Variants in FOXK1 observed in about 807,000 individuals in gnomAD.
The protein encoded by FOXK1 is forkhead box protein K1.
Under a neutral mutation model 51.9 loss-of-function variants are expected in FOXK1, and 19 were observed. That is an observed-to-expected ratio of 0.37 (90% CI 0.26 to 0.54). FOXK1 has a LOEUF of 0.54. FOXK1 is among the 20% of genes least tolerant of loss of function. The pLI is 0.87. For synonymous variants in FOXK1, 537 were observed against 482.6 expected (o/e 1.11, Z -1.48); for missense variants, 870 against 1,032.7 (o/e 0.84, Z 2.16).
chr7:4,766,848 GC>G lies in FOXK1; in HGVS notation c.*4388del, dbSNP rs1255988018. Reference sequence around the variant, plus strand: ...CCGGGGAGCTGGGACTCTCCAGAAAGCCCCGGGTGAGGGCTCCGTCTTGAGA... The same window carrying G: ...CCGGGGAGCTGGGACTCTCCAGAAAGCCCGGGTGAGGGCTCCGTCTTGAGA... On this transcript the variant is annotated 3_prime_UTR_variant, in exon 9 of 9. Coordinates refer to ENST00000328914, the MANE Select transcript of FOXK1 (RefSeq NM_001037165.2). This position sits in a 1 kb window ranked among gnomAD's most constrained non-coding sequence, Gnocchi z 5.5. 1.3e-5 allele frequency: 2 copies of G among 152,218 alleles called. No individual in the cohort carries two copies. Among genetic ancestry groups the G allele is most frequent in the African/African-American group, 4.8e-5 (2 of 41,434 alleles). 9.4% of individuals were successfully genotyped at this position (152,218 alleles called of 1,614,324 possible). A position where few individuals can be genotyped will look rare whatever the true frequency, so the allele number is the denominator to read the frequency against.
rs746239626 is a variant in FOXK1, at chr7:4,762,402, G to A, written c.2140G>A (p.Val714Ile). The change falls in exon 9 of 9, where the codon GTA becomes ATA. Residue 714 changes from valine (V) to isoleucine (I), a missense_variant. Around this residue, in one of 3 missense-constraint regions of FOXK1, gnomAD observed 457 missense variants for 510.8 expected, o/e 0.89. Transcript: ENST00000328914. This position sits in a 1 kb window ranked among gnomAD's most constrained non-coding sequence, Gnocchi z 5.7. ...RSRVEEPSGA[V>I]TTPAGVIAAA... ...CCGGGTGGAGGAGCCCAGTGGTGCT[G>A]TAACCACACCGGCTGGAGTGATCGC... is the stretch of plus-strand genomic sequence containing the variant. The A allele has an allele frequency of 1.7e-5, 26 of 1,550,102 alleles. No homozygotes were observed. The highest frequency in any genetic ancestry group is 1.9e-5 in the Non-Finnish European group (22 of 1,147,648).
In FOXK1 at chr7:4,682,909, C is replaced by T. The variant is rs776053160; in HGVS notation, c.560+41C>T. 1.4e-6 allele frequency: 2 copies of T among 1,415,292 alleles called. No homozygotes were observed. Among genetic ancestry groups the T allele is most frequent in the Non-Finnish European group, 9.3e-7 (1 of 1,080,626 alleles). The allele number at this position is 1,415,292 out of a possible 1,614,324, so 87.7% of individuals were successfully genotyped here. A position where few individuals can be genotyped will look rare whatever the true frequency, so the allele number is the denominator to read the frequency against. ...ACCCCCGCCGCCCGCACCCGGGGCTCGCCCACGACCTCGATCTCTGAGGCC... is the reference window on the plus strand; with the variant it reads ...ACCCCCGCCGCCCGCACCCGGGGCTTGCCCACGACCTCGATCTCTGAGGCC... On this transcript the variant is annotated intron_variant, in intron 1 of 8. Transcript: ENST00000328914. This position sits in a 1 kb window ranked among gnomAD's most constrained non-coding sequence, Gnocchi z 7.6.
chr7:4,740,712 C>A, intron 1 of FOXK1, 126 bp from the exon 2 acceptor site: 1 of 940,568 alleles, frequency 1.1e-6, no homozygotes, highest in Non-Finnish European at 1.6e-6. Context: ...CGAAACTGCT[C>A]TCTGGGGCCC....
chr7:4,710,805 G>C (rs1780164774), intron 1 of FOXK1, among the ~76,000 whole-genome samples: 1 of 152,118 alleles, frequency 6.6e-6, no homozygotes, highest in African/African-American at 2.4e-5. Flanking sequence ...TAGAAGCTGA[G>C]CTCAGCTGGA....
intron 7 of FOXK1, 94 bp downstream of exon 7, chr7:4,759,689 G>A: frequency 5.8e-6 from 8 of 1,373,594 alleles, no homozygotes; most frequent in Admixed American, 2.4e-5. Flanking sequence ...TGGGCCTGGG[G>A]CTTGAGGAGG....
intron 3 of FOXK1, 66 bp downstream of exon 3, chr7:4,754,681 G>T: frequency 6.5e-7 from 1 of 1,532,436 alleles, no homozygotes. Flanking sequence ...GACCCGGCGC[G>T]GGCGGCACAG....
Position 4,743,238 on chromosome 7 carries a change from G to C in FOXK1, c.746+2215G>C, listed in dbSNP as rs529094914. ...AGTGGTGATGGTTATTCAATTTTGT[G>C]AATATCCTAAAAGTCACTTTAAAGA... On this transcript the variant is annotated intron_variant, in intron 2 of 8. Coordinates refer to ENST00000328914, the MANE Select transcript of FOXK1 (RefSeq NM_001037165.2). This position sits in a 1 kb window ranked among gnomAD's most constrained non-coding sequence, Gnocchi z 5.3. Among the ~76,000 whole-genome samples the C allele has an allele frequency of 9.2e-4, 140 of 152,274 alleles. No homozygotes were observed. The highest frequency in any genetic ancestry group is 1.7e-3 in the Admixed American group (26 of 15,276).
chr7:4,724,411 G>A lies in FOXK1; in HGVS notation c.561-16427G>A, dbSNP rs1780353136. The stretch of plus-strand genomic sequence containing the variant: ...GGATTTCACCATGTTGGCCAGGGTG[G>A]TCTCGAACTCCTGTTCTCAAGTGAT... On this transcript the variant is annotated intron_variant, in intron 1 of 8. Coordinates refer to ENST00000328914, the MANE Select transcript of FOXK1 (RefSeq NM_001037165.2). 2.6e-5 allele frequency among the ~76,000 whole-genome samples: 4 copies of A among 152,138 alleles called. No homozygotes were observed. The South Asian group carries it at 8.3e-4, about 32-fold the overall frequency.
Position 4,722,523 on chromosome 7 carries a change from G to T in FOXK1, c.561-18315G>T, listed in dbSNP as rs777759089. ...AGTGGCCTCAGCCCAGTGCCAGCGTGCTGGGACGGGTACACTCGTGCCTGT... is the reference window on the plus strand; with the variant it reads ...AGTGGCCTCAGCCCAGTGCCAGCGTTCTGGGACGGGTACACTCGTGCCTGT... On this transcript the variant is annotated intron_variant, in intron 1 of 8. Transcript: ENST00000328914. This position sits in a 1 kb window ranked among gnomAD's most constrained non-coding sequence, Gnocchi z 5.1. Among the ~76,000 whole-genome samples, 4 of 152,242 alleles carry T rather than the reference G, an allele frequency of 2.6e-5. No individual in the cohort carries two copies. The highest frequency in any genetic ancestry group is 5.9e-5 in the Non-Finnish European group (4 of 68,042).
chr7:4,770,893 G>A lies in FOXK1; in HGVS notation c.*8429G>A, dbSNP rs1246220214. On this transcript the variant is annotated 3_prime_UTR_variant, in exon 9 of 9. Coordinates refer to ENST00000328914, the MANE Select transcript of FOXK1 (RefSeq NM_001037165.2). ...TGTGTGTGTGTGTGTGTGTGTGTGT[G>A]TGTGTGTGTATTTTTTTTTTTACAG... 6.6e-6 allele frequency: 1 copy of A among 150,570 alleles called. No individual in the cohort carries two copies. Among genetic ancestry groups the A allele is most frequent in the African/African-American group, 2.5e-5 (1 of 40,296 alleles). 9.3% of individuals were successfully genotyped at this position (150,570 alleles called of 1,614,324 possible).
Position 4,748,605 on chromosome 7 carries a change from G to A in FOXK1, c.747-5854G>A, listed in dbSNP as rs906132592. Among the ~76,000 whole-genome samples, 8 of 152,186 alleles carry A rather than the reference G, an allele frequency of 5.3e-5. No homozygotes were observed. The highest frequency in any genetic ancestry group is 1.9e-4 in the African/African-American group (8 of 41,440). On this transcript the variant is annotated intron_variant, in intron 2 of 8. Coordinates refer to ENST00000328914, the MANE Select transcript of FOXK1 (RefSeq NM_001037165.2). This position sits in a 1 kb window ranked among gnomAD's most constrained non-coding sequence, Gnocchi z 4.9. ...CCCTCAGGAGGTGGTGGTGGAGAGA[G>A]GGCTGTTTCCTGATTCCCACGTCTT...
In FOXK1 at chr7:4,757,122, A is replaced by C; in HGVS notation, c.1179A>C (p.Ala393=). ...CTGAAGCCAAGCTCGTGGAACAGGC[A>C]TTCCGGAAACGGAGGCAGAGGGGTG... The part of the protein sequence containing the change: ...PASEAKLVEQ[A]FRKRRQRGVS... Residue 393 remains alanine (A), a synonymous_variant, in exon 5 of 9, where the codon GCA becomes GCC. Transcript: ENST00000328914. 1 of 1,613,564 alleles carries C rather than the reference A, an allele frequency of 6.2e-7. No homozygotes were observed.
In FOXK1 at chr7:4,743,706, C is replaced by T. The variant is rs980662909; in HGVS notation, c.746+2683C>T. On this transcript the variant is annotated intron_variant, in intron 2 of 8. Transcript: ENST00000328914. This position sits in a 1 kb window ranked among gnomAD's most constrained non-coding sequence, Gnocchi z 5.3. ...CAGCTCACGTGCTAGTGGAAGCTCA[C>T]ACCAGAAGAGGCTGGTCCTGCTGCT... Among the ~76,000 whole-genome samples, 1 of 152,236 alleles carries T rather than the reference C, an allele frequency of 6.6e-6. No homozygotes were observed. Among genetic ancestry groups the T allele is most frequent in the African/African-American group, 2.4e-5 (1 of 41,464 alleles).
At position 4,749,101 on chromosome 7, in the gene FOXK1, TC is replaced by T. The variant is rs1780743108; in HGVS notation, c.747-5356del. On this transcript the variant is annotated intron_variant, in intron 2 of 8. Coordinates refer to ENST00000328914, the MANE Select transcript of FOXK1 (RefSeq NM_001037165.2). The surrounding 1 kb of genome is among the most constrained non-coding windows in gnomAD (Gnocchi z 6.0). ...TGAGGGATTTTCTCCAGTCTCTCCTTCCACCCTTTCTTGGATTTGTATTTCT... is the reference window on the plus strand; with the variant it reads ...TGAGGGATTTTCTCCAGTCTCTCCTTCACCCTTTCTTGGATTTGTATTTCT... 6.6e-6 allele frequency among the ~76,000 whole-genome samples: 1 copy of T among 152,234 alleles called. No homozygotes were observed. The highest frequency in any genetic ancestry group is 6.5e-5 in the Admixed American group (1 of 15,282).
rs1360168746 is a variant in FOXK1 at position 4,707,730 on chromosome 7, G to C, written c.560+24862G>C. Among the ~76,000 whole-genome samples, 1 of 151,778 alleles carries C rather than the reference G, an allele frequency of 6.6e-6. No homozygotes were observed. Among genetic ancestry groups the C allele is most frequent in the African/African-American group, 2.4e-5 (1 of 41,252 alleles). On this transcript the variant is annotated intron_variant, in intron 1 of 8. Coordinates refer to ENST00000328914, the MANE Select transcript of FOXK1 (RefSeq NM_001037165.2). This position sits in a 1 kb window ranked among gnomAD's most constrained non-coding sequence, Gnocchi z 4.1. Reference sequence around the variant, plus strand: ...GACGGACTCTCTCTCCGTTGCCCAGGCTGGAGTGCAGTGGCACGATCGTGG... The same window carrying C: ...GACGGACTCTCTCTCCGTTGCCCAGCCTGGAGTGCAGTGGCACGATCGTGG...
chr7:4,685,832 A>T (rs559814047), intron 1 of FOXK1, among the ~76,000 whole-genome samples: 1 of 152,064 alleles, frequency 6.6e-6, no homozygotes, highest in East Asian at 1.9e-4. Context: ...AGTCCCAGCT[A>T]CTTGGGAGGC....
intron 1 of FOXK1, among the ~76,000 whole-genome samples, chr7:4,696,778 C>G (rs1779957099): frequency 6.6e-6 from 1 of 152,200 alleles, no homozygotes; most frequent in South Asian, 2.1e-4. Context: ...CAGAAAATGC[C>G]TCCTTCGGGC....
At position 4,769,056 on chromosome 7, in the gene FOXK1, T is replaced by C. The variant is rs994190154; in HGVS notation, c.*6592T>C. ...TGGTGAGGCTTTGGAAATTTTTTGT[T>C]TCTTCTACTCATCCTAATGGCTGGT... is the stretch of plus-strand genomic sequence containing the variant. On this transcript the variant is annotated 3_prime_UTR_variant, in exon 9 of 9. Transcript: ENST00000328914. This position sits in a 1 kb window ranked among gnomAD's most constrained non-coding sequence, Gnocchi z 4.1. 1 of 152,164 alleles carries C rather than the reference T, an allele frequency of 6.6e-6. No individual in the cohort carries two copies. The highest frequency in any genetic ancestry group is 2.4e-5 in the African/African-American group (1 of 41,434). The allele number at this position is 152,164 out of a possible 1,614,324, so 9.4% of individuals were successfully genotyped here.
In FOXK1 at chr7:4,764,516, C is replaced by G. The variant is rs1228595078; in HGVS notation, c.*2052C>G. 6.5e-6 allele frequency: 1 copy of G among 153,590 alleles called. No homozygotes were observed. The highest frequency in any genetic ancestry group is 1.5e-5 in the Non-Finnish European group (1 of 68,548). The allele number at this position is 153,590 out of a possible 1,614,324, so 9.5% of individuals were successfully genotyped here. On this transcript the variant is annotated 3_prime_UTR_variant, in exon 9 of 9. Transcript: ENST00000328914. ...GTGTCGCCTGCTGTTGTCTGTGGGCCTTTTCTTTCCGTGGTGCCTGGTGTG... is the reference window on the plus strand; with the variant it reads ...GTGTCGCCTGCTGTTGTCTGTGGGCGTTTTCTTTCCGTGGTGCCTGGTGTG...
Sources: allele counts gnomAD v4.1 joint callset (sites outside exome capture counted in the v4.1 genomes callset), GRCh38; gene constraint gnomAD v4.1.1; regional missense constraint gnomAD v4.1.1; non-coding constraint Gnocchi (gnomAD v3.1); transcripts MANE v1.5; gene names NCBI Gene and HGNC (gene_info 2026-07-23, HGNC 2026-07-21).